IQSEC1: variants seen among roughly 807,000 people sequenced by gnomAD.
IQSEC1 encodes the protein IQ motif and Sec7 domain ArfGEF 1.
A neutral mutation model predicts 91.0 loss-of-function variants in IQSEC1; 31 were observed. The ratio of observed to expected loss-of-function variants is 0.34; its 90% confidence interval spans 0.26 to 0.46. The LOEUF is 0.46. IQSEC1 is among the 20% of genes least tolerant of loss of function. IQSEC1 has a pLI of 1.00. For missense variants in IQSEC1, 1,388 were observed against 1,575.6 expected, an observed-to-expected ratio of 0.88 and a Z score of 2.02; for synonymous variants, 699 against 662.6, an observed-to-expected ratio of 1.05 and a Z score of -0.84.
chr3:13,234,769 T>C (rs982526172), intron 1 of IQSEC1, among the ~76,000 whole-genome samples: 3 of 152,164 alleles, frequency 2.0e-5, no homozygotes, highest in Non-Finnish European at 2.9e-5. Flanking sequence ...ATGTGGAAAA[T>C]ATTAGTGTTC....
intron 2 of IQSEC1, among the ~76,000 whole-genome samples, chr3:13,121,318 T>G (rs1208223805): frequency 2.6e-5 from 4 of 152,084 alleles, no homozygotes; most frequent in Non-Finnish European, 4.4e-5. Context: ...CTGTCTCACC[T>G]CCTCCTCCCA....
At chr3:13,162,887 T>G (rs1707203752) in intron 2 of IQSEC1, among the ~76,000 whole-genome samples, 1 of 148,492 alleles carries the variant, frequency 6.7e-6, no homozygotes, top group Non-Finnish European at 1.5e-5. Context: ...TGTCCATCCA[T>G]CCCCCCGGGC....
intron 1 of IQSEC1, among the ~76,000 whole-genome samples, chr3:13,059,829 T>C (rs1705003513): frequency 4.6e-5 from 7 of 152,210 alleles, no homozygotes; most frequent in Admixed American, 4.6e-4. Flanking sequence ...AGTGTGGGTC[T>C]CTGGTCACTC....
At chr3:13,164,140 C>T (rs11920930) in intron 1 of IQSEC1, among the ~76,000 whole-genome samples, 118 of 152,296 alleles carry the variant, frequency 7.7e-4, no homozygotes, top group African/African-American at 2.7e-3. Context: ...AGACCTGCAA[C>T]GAGAAGAGCA....
Position 12,900,675 on chromosome 3 carries a change from G to T in IQSEC1, c.*308C>A, listed in dbSNP as rs1373447900. 7.6e-7 allele frequency: 1 copy of T among 1,309,520 alleles called. No individual in the cohort carries two copies. Among genetic ancestry groups the T allele is most frequent in the Admixed American group, 3.8e-5 (1 of 26,544 alleles). The allele number at this position is 1,309,520 out of a possible 1,614,324, so 81.1% of individuals were successfully genotyped here. A position where few individuals can be genotyped will look rare whatever the true frequency, so the allele number is the denominator to read the frequency against. On this transcript the variant is annotated 3_prime_UTR_variant, in exon 14 of 14. Transcript: ENST00000613206. ...ATTAGGGCACAGGGAGCTGAGAGCTGGAGTGGGGGAGGCAGTTCAACACTA... is the reference window on the plus strand; with the variant it reads ...ATTAGGGCACAGGGAGCTGAGAGCTTGAGTGGGGGAGGCAGTTCAACACTA...
intron 1 of IQSEC1, among the ~76,000 whole-genome samples, chr3:13,191,299 C>A (rs1694025607): frequency 6.6e-6 from 1 of 152,180 alleles, no homozygotes; most frequent in Non-Finnish European, 1.5e-5. Flanking sequence ...CTCTCCAGAG[C>A]TGGGCACAGG....
At chr3:13,182,563 A>G (rs772098855) in intron 1 of IQSEC1, among the ~76,000 whole-genome samples, 74 of 152,198 alleles carry the variant, frequency 4.9e-4, no homozygotes, top group Non-Finnish European at 5.9e-4. Flanking sequence ...ATGAGTGGAT[A>G]GATGGCTAGA....
At position 12,897,593 on chromosome 3, in the gene IQSEC1, CAG is replaced by C. The variant is rs1367587473; in HGVS notation, c.*3388_*3389del. On this transcript the variant is annotated 3_prime_UTR_variant, in exon 14 of 14. Coordinates refer to ENST00000613206, the MANE Select transcript of IQSEC1 (RefSeq NM_001134382.3). ...CTCAGCACCCCCACCTCACCCTGCT[CAG>C]TGTTGCAATGCTGCCTTGACTATTG... 1 of 152,220 alleles carries C rather than the reference CAG, an allele frequency of 6.6e-6. No homozygotes were observed. The highest frequency in any genetic ancestry group is 2.4e-5 in the African/African-American group (1 of 41,444). 9.4% of individuals were successfully genotyped at this position (152,220 alleles called of 1,614,324 possible).
In IQSEC1 at chr3:12,927,813, A is replaced by T. The variant is rs11921020; in HGVS notation, c.1569-3071T>A. ...AGTCTGTGCAGGGGGCAAGGGACAG[A>T]GACTGAGGTATCAGGCAATTTTCTG... On this transcript the variant is annotated intron_variant, in intron 3 of 13. Coordinates refer to ENST00000613206, the MANE Select transcript of IQSEC1 (RefSeq NM_001134382.3). 3.7e-3 allele frequency among the ~76,000 whole-genome samples: 562 copies of T among 152,342 alleles called. 4 individuals are homozygous for T. The highest frequency in any genetic ancestry group is 0.013 in the African/African-American group (529 of 41,578).
At chr3:13,124,717 G>T (rs960296889) in intron 2 of IQSEC1, among the ~76,000 whole-genome samples, 1 of 152,210 alleles carries the variant, frequency 6.6e-6, no homozygotes, top group Admixed American at 6.5e-5. Context: ...CGGGGGCCCC[G>T]CCCATCAGAC....
At chr3:13,233,147 T>C (rs1694865214) in intron 1 of IQSEC1, among the ~76,000 whole-genome samples, 1 of 152,234 alleles carries the variant, frequency 6.6e-6, no homozygotes, top group Admixed American at 6.5e-5. Flanking sequence ...GTGTATTTTA[T>C]CACAGAAAAC....
chr3:12,936,569 C>T lies in IQSEC1; in HGVS notation c.447G>A (p.Glu149=), dbSNP rs923839909. The change falls in exon 3 of 14, where the codon GAG becomes GAA. Residue 149 remains glutamate (E), a synonymous_variant. Transcript: ENST00000613206. The part of the protein sequence containing the change: ...NFERLRSSMS[E]NRMSRRIVLS... ...GCACAATCCGGCGTGACATGCGGTT[C>T]TCTGACATGGAGCTGCGCAAGCGCT... The T allele has an allele frequency of 4.7e-5, 76 of 1,613,244 alleles. No individual in the cohort carries two copies. The highest frequency in any genetic ancestry group is 6.3e-5 in the Non-Finnish European group (74 of 1,180,040).
chr3:12,967,351 C>A lies in IQSEC1; in HGVS notation c.24-25486G>T. 1 of 1,515,544 alleles carries A rather than the reference C, an allele frequency of 6.6e-7. No homozygotes were observed. The highest frequency in any genetic ancestry group is 8.8e-7 in the Non-Finnish European group (1 of 1,131,230). The allele number at this position is 1,515,544 out of a possible 1,614,324, so 93.9% of individuals were successfully genotyped here. A position where few individuals can be genotyped will look rare whatever the true frequency, so the allele number is the denominator to read the frequency against. Reference sequence around the variant, plus strand: ...GCCTGCGCCAGCCCACCGCTCAGCACCCGGGAAGGCCGCTCGCCCCGCGCC... The same window carrying A: ...GCCTGCGCCAGCCCACCGCTCAGCAACCGGGAAGGCCGCTCGCCCCGCGCC... On this transcript the variant is annotated intron_variant, in intron 1 of 13. Coordinates refer to ENST00000613206, the MANE Select transcript of IQSEC1 (RefSeq NM_001134382.3). This position sits in a 1 kb window ranked among gnomAD's most constrained non-coding sequence, Gnocchi z 5.9.
chr3:12,900,886 G>A lies in IQSEC1; in HGVS notation c.*97C>T, dbSNP rs1278909639. Reference sequence around the variant, plus strand: ...GGGGCAGAGGGGAGAGATGGCAACAGAAGTGCCCCGGGTTTGGTGTGCGGC... The same window carrying A: ...GGGGCAGAGGGGAGAGATGGCAACAAAAGTGCCCCGGGTTTGGTGTGCGGC... On this transcript the variant is annotated 3_prime_UTR_variant, in exon 14 of 14. Transcript: ENST00000613206. 1.3e-6 allele frequency: 2 copies of A among 1,535,018 alleles called. No individual in the cohort carries two copies. The highest frequency in any genetic ancestry group is 3.9e-5 in the Admixed American group (2 of 50,924).
At position 12,967,582 on chromosome 3, in the gene IQSEC1, C is replaced by G; in HGVS notation, c.24-25717G>C. 1 of 1,321,814 alleles carries G rather than the reference C, an allele frequency of 7.6e-7. No individual in the cohort carries two copies. Among genetic ancestry groups the G allele is most frequent in the South Asian group, 2.0e-5 (1 of 49,050 alleles). 81.9% of individuals were successfully genotyped at this position (1,321,814 alleles called of 1,614,324 possible). A position where few individuals can be genotyped will look rare whatever the true frequency, so the allele number is the denominator to read the frequency against. On this transcript the variant is annotated intron_variant, in intron 1 of 13. Transcript: ENST00000613206. The surrounding 1 kb of genome is among the most constrained non-coding windows in gnomAD (Gnocchi z 5.9). ...CACCCGGAGACCCGACCACCCGCCA[C>G]GCGATCACGTCGGGGCTCCTGGTCC...
At chr3:13,263,431 G>A (rs755032504) in intron 1 of IQSEC1, among the ~76,000 whole-genome samples, 1,860 of 129,620 alleles carry the variant, frequency 0.014, 97 homozygotes, top group African/African-American at 0.048. Flanking sequence ...TTTTTTTGGG[G>A]GGGGGGGGAA....
At chr3:13,135,449 T>C (rs1706691009) in intron 2 of IQSEC1, among the ~76,000 whole-genome samples, 1 of 152,202 alleles carries the variant, frequency 6.6e-6, no homozygotes, top group Non-Finnish European at 1.5e-5. Context: ...ACCTCTCCTC[T>C]GGGCAAAGGC....
At chr3:13,003,557 A>G (rs1257411408) in intron 1 of IQSEC1, among the ~76,000 whole-genome samples, 9 of 152,234 alleles carry the variant, frequency 5.9e-5, no homozygotes, top group Admixed American at 5.9e-4. Context: ...TGATGGTTAC[A>G]GGATTCTGTA....
chr3:12,936,633 T>C lies in IQSEC1; in HGVS notation c.383A>G (p.Gln128Arg). ...CATCTGGTACTGGCGAAACGCCGTC[T>C]GGATGGTGCGGGCCGCATGGCGGGT... ...LVTRHAARTIQTAFRQYQMNK... is the reference protein window; with the variant it reads ...LVTRHAARTIRTAFRQYQMNK... The change falls in exon 3 of 14, where the codon CAG becomes CGG. Residue 128 changes from glutamine to arginine, a missense_variant. Coordinates refer to ENST00000613206, the MANE Select transcript of IQSEC1 (RefSeq NM_001134382.3). 1 of 1,611,084 alleles carries C rather than the reference T, an allele frequency of 6.2e-7. No homozygotes were observed. Among genetic ancestry groups the C allele is most frequent in the South Asian group, 1.1e-5 (1 of 90,604 alleles).
Sources: gnomAD v4.1 joint callset for allele counts (sites outside exome capture counted in the v4.1 genomes callset) on GRCh38, gnomAD v4.1.1 for gene constraint, Gnocchi (gnomAD v3.1) non-coding constraint, MANE v1.5 for transcripts, NCBI Gene and HGNC (gene_info 2026-07-23, HGNC 2026-07-21) for gene names.